NUCKS1: variants seen among roughly 807,000 people sequenced by gnomAD.
The protein encoded by NUCKS1 is nuclear casein kinase and cyclin dependent kinase substrate 1, also known as nuclear ubiquitous casein and cyclin-dependent kinase substrate 1.
A neutral mutation model predicts 33.0 loss-of-function variants in NUCKS1; 2 were observed. That is an observed-to-expected ratio of 0.06 (90% confidence interval 0.02 to 0.19). The LOEUF is 0.19. Among genes scored for constraint, NUCKS1 ranks in the 10% least tolerant of loss-of-function variants. The probability of loss-of-function intolerance (pLI) is 1.00; values close to 1 mark genes in which losing one functional copy is unlikely to be tolerated. For synonymous variants in NUCKS1, 106 were observed against 102.8 expected (o/e 1.03, Z -0.19); for missense variants, 201 against 293.6 (o/e 0.68, Z 2.31).
Position 205,713,116 on chromosome 1 carries a change from T to C in NUCKS1, c.*5164A>G, listed in dbSNP as rs1305753860. The C allele has an allele frequency of 1.3e-5, 2 of 152,192 alleles. No individual in the cohort carries two copies. Among genetic ancestry groups the C allele is most frequent in the Non-Finnish European group, 2.9e-5 (2 of 68,032 alleles). The allele number at this position is 152,192 out of a possible 1,614,324, so 9.4% of individuals were successfully genotyped here. A position where few individuals can be genotyped will look rare whatever the true frequency, so the allele number is the denominator to read the frequency against. Reference sequence around the variant, plus strand: ...AAGTTCCCACAAAGTCAGGCTGAACTGGGAGCTGATTAACAAAGCTGTGTA... The same window carrying C: ...AAGTTCCCACAAAGTCAGGCTGAACCGGGAGCTGATTAACAAAGCTGTGTA... On this transcript the variant is annotated 3_prime_UTR_variant, in exon 7 of 7. Transcript: ENST00000367142.
Position 205,713,660 on chromosome 1 carries a change from T to C in NUCKS1, c.*4620A>G, listed in dbSNP as rs1671779090. On this transcript the variant is annotated 3_prime_UTR_variant, in exon 7 of 7. Transcript: ENST00000367142. ...AAACCTTTTAAATAAAGTGGTTACA[T>C]TCAAACTTTAACTTCCTTAGTACCA... 6.6e-6 allele frequency: 1 copy of C among 152,242 alleles called. No individual in the cohort carries two copies. Among genetic ancestry groups the C allele is most frequent in the Non-Finnish European group, 1.5e-5 (1 of 68,054 alleles). 9.4% of individuals were successfully genotyped at this position (152,242 alleles called of 1,614,324 possible).
intron 1 of NUCKS1, among the ~76,000 whole-genome samples, chr1:205,741,678 A>G (rs1288679837): frequency 1.3e-5 from 2 of 152,230 alleles, no homozygotes; most frequent in African/African-American, 4.8e-5. Flanking sequence ...AGAATTTTGG[A>G]GAAGGGTAGA....
chr1:205,743,154 TGACTGTTACATTTTTGGG>T (rs1654222685), intron 1 of NUCKS1, among the ~76,000 whole-genome samples: 1 of 152,216 alleles, frequency 6.6e-6, no homozygotes, highest in African/African-American at 2.4e-5. Context: ...CACAGTATGG[TGACTGTTACATTTTTGGG>T]AAAAAACAGG....
intron 1 of NUCKS1, among the ~76,000 whole-genome samples, chr1:205,734,244 A>G (rs945300297): frequency 6.6e-6 from 1 of 152,162 alleles, no homozygotes; most frequent in African/African-American, 2.4e-5. Context: ...ATATTTTTCT[A>G]TCCTACTTTT....
chr1:205,746,589 A>T (rs1654339484), intron 1 of NUCKS1, among the ~76,000 whole-genome samples: 1 of 152,032 alleles, frequency 6.6e-6, no homozygotes, highest in African/African-American at 2.4e-5. Flanking sequence ...TGAATTTTCA[A>T]GTTTCTAGTT....
chr1:205,749,884 C>A, intron 1 of NUCKS1, 73 bp downstream of exon 1: 1 of 1,482,314 alleles, frequency 6.7e-7, no homozygotes. Flanking sequence ...CTCTAGCCTT[C>A]TGTCCCCCAC....
chr1:205,745,058 A>G (rs1355786956), intron 1 of NUCKS1, among the ~76,000 whole-genome samples: 1 of 152,174 alleles, frequency 6.6e-6, no homozygotes, highest in East Asian at 1.9e-4. Flanking sequence ...ATTTTAAACC[A>G]CATATGGCCC....
At chr1:205,736,454 G>A (rs903979776) in intron 1 of NUCKS1, among the ~76,000 whole-genome samples, 4 of 152,098 alleles carry the variant, frequency 2.6e-5, no homozygotes, top group African/African-American at 9.7e-5. Context: ...CCTTTAGCTT[G>A]TATCCTGTTA....
In NUCKS1 at chr1:205,717,496, C is replaced by CATT. The variant is rs1553251377; in HGVS notation, c.*783_*784insAAT. ...AAATCAAGAGTTTTGGCAGCCCCTG[C>CATT]TTTTTTTTTTTTTTTAGCTCCCTAA... On this transcript the variant is annotated 3_prime_UTR_variant, in exon 7 of 7. Transcript: ENST00000367142. 1.3e-6 allele frequency: 1 copy of CATT among 747,398 alleles called. No homozygotes were observed. The highest frequency in any genetic ancestry group is 1.6e-6 in the Non-Finnish European group (1 of 623,820). 46.3% of individuals were successfully genotyped at this position (747,398 alleles called of 1,614,324 possible). A position where few individuals can be genotyped will look rare whatever the true frequency, so the allele number is the denominator to read the frequency against.
At chr1:205,742,251 C>T (rs1291033026) in intron 1 of NUCKS1, among the ~76,000 whole-genome samples, 13 of 152,204 alleles carry the variant, frequency 8.5e-5, no homozygotes, top group Non-Finnish European at 1.5e-5. Flanking sequence ...TAGCACAGAA[C>T]TGAACAGATA....
chr1:205,739,374 C>T (rs1654109245), intron 1 of NUCKS1, among the ~76,000 whole-genome samples: 1 of 152,192 alleles, frequency 6.6e-6, no homozygotes, highest in Non-Finnish European at 1.5e-5. Flanking sequence ...TTACCTCTTT[C>T]CACTCTTCCT....
intron 1 of NUCKS1, among the ~76,000 whole-genome samples, chr1:205,740,701 G>T (rs1654147087): frequency 6.6e-6 from 1 of 151,866 alleles, no homozygotes; most frequent in African/African-American, 2.4e-5. Context: ...TAGCATTATA[G>T]AAAAGAGCTC....
chr1:205,732,735 C>T (rs929720250), intron 1 of NUCKS1, among the ~76,000 whole-genome samples: 5 of 132,174 alleles, frequency 3.8e-5, no homozygotes, highest in East Asian at 2.0e-4. Flanking sequence ...GAGCAGGGAT[C>T]GCACCACTGC....
In NUCKS1 at chr1:205,715,195, A is replaced by C. The variant is rs966294102; in HGVS notation, c.*3085T>G. The stretch of plus-strand genomic sequence containing the variant: ...TTTCACTCTTGATTTGTTATCTGTA[A>C]GAAAATGCTATTTGAGCCAGTACCA... On this transcript the variant is annotated 3_prime_UTR_variant, in exon 7 of 7. Coordinates refer to ENST00000367142, the MANE Select transcript of NUCKS1 (RefSeq NM_022731.5). 2 of 152,230 alleles carry C rather than the reference A, an allele frequency of 1.3e-5. No individual in the cohort carries two copies. Among genetic ancestry groups the C allele is most frequent in the Non-Finnish European group, 2.9e-5 (2 of 68,038 alleles). The allele number at this position is 152,230 out of a possible 1,614,324, so 9.4% of individuals were successfully genotyped here.
chr1:205,740,304 C>T (rs1479668183), intron 1 of NUCKS1, among the ~76,000 whole-genome samples: 2 of 151,830 alleles, frequency 1.3e-5, no homozygotes, highest in African/African-American at 4.8e-5. Context: ...CACACCTGGC[C>T]CATCCTATTT....
At chr1:205,733,176 G>A (rs1302635259) in intron 1 of NUCKS1, among the ~76,000 whole-genome samples, 2 of 152,126 alleles carry the variant, frequency 1.3e-5, no homozygotes, top group Non-Finnish European at 2.9e-5. Context: ...CCATTTCTGG[G>A]TACGACGTAG....
At position 205,750,012 on chromosome 1, in the gene NUCKS1, AC is replaced by A; in HGVS notation, c.-40del. 1 of 1,558,800 alleles carries A rather than the reference AC, an allele frequency of 6.4e-7. No individual in the cohort carries two copies. The highest frequency in any genetic ancestry group is 8.7e-7 in the Non-Finnish European group (1 of 1,147,828). ...ACAGGACCGAGTCGAGAAGCCAAAG[AC>A]CAGGACCCCCCCCACCCCGCGCGCT... On this transcript the variant is annotated 5_prime_UTR_variant, in exon 1 of 7. Transcript: ENST00000367142.
At chr1:205,723,604 G>A (rs78841139) in intron 4 of NUCKS1, among the ~76,000 whole-genome samples, 2,006 of 151,982 alleles carry the variant, frequency 0.013, 21 homozygotes, top group South Asian at 0.027. Flanking sequence ...GATGTCTTTT[G>A]TTTACGTAAA....
chr1:205,722,114 C>T (rs1389142911), intron 4 of NUCKS1, among the ~76,000 whole-genome samples: 1 of 151,532 alleles, frequency 6.6e-6, no homozygotes, highest in Non-Finnish European at 1.5e-5. Flanking sequence ...CTCACTCTGT[C>T]GCCCAGATTG....
Sources: gnomAD v4.1 joint callset for allele counts (sites outside exome capture counted in the v4.1 genomes callset) on GRCh38, gnomAD v4.1.1 for gene constraint, MANE v1.5 for transcripts, NCBI Gene and HGNC (gene_info 2026-07-23, HGNC 2026-07-21) for gene names.